Variants in CEACAM19 observed in about 807,000 individuals in gnomAD.
CEACAM19 encodes the protein CEA cell adhesion molecule 19, also known as cell adhesion molecule CEACAM19.
Under a neutral mutation model 37.6 loss-of-function variants are expected in CEACAM19, and 37 were observed. The observed-to-expected ratio is 0.98, with a 90% confidence interval of 0.76 to 1.29. The LOEUF is 1.29. Among genes scored for constraint, CEACAM19 ranks in the 50% most tolerant of loss-of-function variants. CEACAM19 has a pLI of 0.00. For missense variants in CEACAM19, 340 were observed against 375.6 expected (o/e 0.91, Z 0.78); for synonymous variants, 140 against 149.8 (o/e 0.93, Z 0.48).
At chr19:44,680,588 C>T (rs566357613) in intron 5 of CEACAM19, among the ~76,000 whole-genome samples, 1 of 152,174 alleles carries the variant, frequency 6.6e-6, no homozygotes, top group East Asian at 1.9e-4. Context: ...TCCACCTCCA[C>T]AGGCCACTAC....
chr19:44,679,044 G>A, intron 4 of CEACAM19, 108 bp downstream of exon 4: 3 of 1,501,410 alleles, frequency 2.0e-6, no homozygotes, highest in Non-Finnish European at 2.7e-6. Flanking sequence ...CAAGGTTGGG[G>A]TGCAGTGGTG....
intron 2 of CEACAM19, among the ~76,000 whole-genome samples, chr19:44,675,097 C>CATGTGTGT (rs71338722): frequency 2.1e-5 from 3 of 143,800 alleles, no homozygotes; most frequent in African/African-American, 7.8e-5. Context: ...CAGAGAACAG[C>CATGTGTGT]GTGTGTGTGT....
upstream of CEACAM19, among the ~76,000 whole-genome samples, chr19:44,670,443 G>A (rs1482788296): frequency 6.6e-6 from 1 of 152,070 alleles, no homozygotes; most frequent in African/African-American, 2.4e-5. Flanking sequence ...GGGAGGCCGA[G>A]GCAGGAGGAT....
chr19:44,668,651 ATAATTATATAATTATATAC>A (rs1973802328), upstream of CEACAM19, among the ~76,000 whole-genome samples: 1 of 80,782 alleles, frequency 1.2e-5, no homozygotes, highest in African/African-American at 7.2e-5. Context: ...ATATATGTAT[ATAATTATATAATTATATAC>A]ATATATTATA....
chr19:44,669,809 C>T (rs73936842), upstream of CEACAM19, among the ~76,000 whole-genome samples: 6,058 of 152,198 alleles, frequency 0.04, 295 homozygotes, highest in African/African-American at 0.12. Context: ...TCCTTGGGCT[C>T]TCCCAGACTC....
Position 44,680,345 on chromosome 19 carries a change from A to AG in CEACAM19, c.706+12dup, listed in dbSNP as rs1974033692. 1 of 1,607,312 alleles carries AG rather than the reference A, an allele frequency of 6.2e-7. No individual in the cohort carries two copies. The highest frequency in any genetic ancestry group is 8.5e-7 in the Non-Finnish European group (1 of 1,178,230). ...CTGCTCATGATGCTGGTAAGGCGGG[A>AG]GCCCCAGATCTCACTACCTAGCCCT... On this transcript the variant is annotated intron_variant, in intron 5 of 7. Transcript: ENST00000358777.
In CEACAM19 at chr19:44,683,056, C is replaced by CTCTT. The variant is rs1491547801; in HGVS notation, c.847-378_847-377insTTCT. ...TATGTCTGTCTTCCCCTTTCTTGGA[C>CTCTT]TCTCTCTCTCTCTCTCTCTCTCTCT... On this transcript the variant is annotated intron_variant, in intron 7 of 7. Transcript: ENST00000358777. The CTCTT allele has an allele frequency of 1.4e-4, 9 of 65,238 alleles. No individual in the cohort carries two copies. The African/African-American group carries it at 2.1e-3, about 15-fold the overall frequency. 4.0% of individuals were successfully genotyped at this position (65,238 alleles called of 1,614,324 possible).
At chr19:44,682,894 G>A (rs1974087860) in intron 7 of CEACAM19, 2 of 406,576 alleles carry the variant, frequency 4.9e-6, no homozygotes, top group South Asian at 6.3e-5. Flanking sequence ...AGAGGGACAG[G>A]GGATTGCCTG....
Position 44,672,538 on chromosome 19 carries a change from C to T in CEACAM19, c.56-58C>T. The stretch of plus-strand genomic sequence containing the variant: ...CTGAAGATCTGTATCTAGAGAGGAG[C>T]ATGCCATGGTCCCTGGCAACACCCC... On this transcript the variant is annotated intron_variant, in intron 1 of 7. Coordinates refer to ENST00000358777, the MANE Select transcript of CEACAM19 (RefSeq NM_001127893.3). 2.8e-6 allele frequency: 4 copies of T among 1,419,856 alleles called. No individual in the cohort carries two copies. The South Asian group carries it at 7.1e-5, about 25-fold the overall frequency. 88.0% of individuals were successfully genotyped at this position (1,419,856 alleles called of 1,614,324 possible). A position where few individuals can be genotyped will look rare whatever the true frequency, so the allele number is the denominator to read the frequency against.
upstream of CEACAM19, among the ~76,000 whole-genome samples, chr19:44,669,451 G>A (rs1386543318): frequency 6.6e-6 from 1 of 151,852 alleles, no homozygotes; most frequent in Admixed American, 6.6e-5. Flanking sequence ...AGCCACATAT[G>A]ACTAATAGCT....
At chr19:44,676,843 T>G (rs1330055681) in intron 3 of CEACAM19, among the ~76,000 whole-genome samples, 1 of 152,132 alleles carries the variant, frequency 6.6e-6, no homozygotes, top group African/African-American at 2.4e-5. Context: ...CTCGAACTCC[T>G]GGGCTCAAGT....
chr19:44,674,204 C>T (rs890304937), intron 2 of CEACAM19, among the ~76,000 whole-genome samples: 2 of 150,812 alleles, frequency 1.3e-5, no homozygotes, highest in South Asian at 2.1e-4. Context: ...CATGCCACTG[C>T]ACTCCAGCCT....
At chr19:44,673,394 A>C (rs1232516794) in intron 2 of CEACAM19, among the ~76,000 whole-genome samples, 1 of 152,234 alleles carries the variant, frequency 6.6e-6, no homozygotes, top group Non-Finnish European at 1.5e-5. Flanking sequence ...GTGATCGTTA[A>C]GAGCCAGGCA....
At chr19:44,679,070 G>A (rs537246534) in intron 4 of CEACAM19, 134 bp downstream of exon 4, 94 of 1,336,162 alleles carry the variant, frequency 7.0e-5, no homozygotes, top group Admixed American at 1.3e-4. Flanking sequence ...GTAGCTCACC[G>A]TAGCCTCGAC....
chr19:44,673,303 C>T (rs1443218859), intron 2 of CEACAM19, among the ~76,000 whole-genome samples: 2 of 152,098 alleles, frequency 1.3e-5, no homozygotes, highest in African/African-American at 2.4e-5. Context: ...GTTTATAAAG[C>T]GAGTATTTAC....
chr19:44,683,080 CT>C, intron 7 of CEACAM19: 1 of 257,558 alleles, frequency 3.9e-6, no homozygotes, highest in South Asian at 1.1e-4. Flanking sequence ...CTCTCTCTCT[CT>C]CTCAGTTTCT....
At chr19:44,672,425 G>A in intron 1 of CEACAM19, 171 bp from the exon 2 acceptor site, 3 of 678,260 alleles carry the variant, frequency 4.4e-6, no homozygotes, top group South Asian at 7.0e-5. Flanking sequence ...AACCATGCCT[G>A]TGTTCCCACT....
chr19:44,671,835 C>T lies in CEACAM19; in HGVS notation c.-97C>T. ...GTGTCTCTAAGGCACCCCTGGGATCCCCACTGAGCTGGCCTACTTCAGACA... is the reference window on the plus strand; with the variant it reads ...GTGTCTCTAAGGCACCCCTGGGATCTCCACTGAGCTGGCCTACTTCAGACA... On this transcript the variant is annotated 5_prime_UTR_variant, in exon 1 of 8. Transcript: ENST00000358777. 9.5e-7 allele frequency: 1 copy of T among 1,054,714 alleles called. No homozygotes were observed. The highest frequency in any genetic ancestry group is 1.4e-6 in the Non-Finnish European group (1 of 705,824). The allele number at this position is 1,054,714 out of a possible 1,614,324, so 65.3% of individuals were successfully genotyped here.
intron 1 of CEACAM19, 61 bp from the exon 2 acceptor site, chr19:44,672,535 G>T: frequency 7.0e-7 from 1 of 1,423,406 alleles, no homozygotes; most frequent in South Asian, 1.8e-5. Context: ...ATCTAGAGAG[G>T]AGCATGCCAT....
Sources: gnomAD v4.1 joint callset for allele counts (sites outside exome capture counted in the v4.1 genomes callset) on GRCh38, gnomAD v4.1.1 for gene constraint, MANE v1.5 for transcripts, NCBI Gene and HGNC (gene_info 2026-07-23, HGNC 2026-07-21) for gene names.